Variants in DLGAP2 observed in about 807,000 individuals in gnomAD.
DLGAP2 encodes disks large-associated protein 2.
In DLGAP2, 26 loss-of-function variants were observed where a neutral mutation model predicts 100.3. The ratio of observed to expected loss-of-function variants is 0.26; its 90% confidence interval spans 0.19 to 0.36. The LOEUF (loss-of-function observed/expected upper bound fraction) is 0.36. Ranked by LOEUF, DLGAP2 falls within the 10% of genes least tolerant of loss-of-function variation. DLGAP2 has a pLI of 1.00. For missense variants in DLGAP2, 1,858 were observed against 1,453.2 expected, an observed-to-expected ratio of 1.28 and a Z score of -4.53; for synonymous variants, 886 against 630.1, an observed-to-expected ratio of 1.41 and a Z score of -6.08.
At chr8:1,032,986 AT>A (rs1767814343) in intron 2 of DLGAP2, 5 of 152,288 alleles carry the variant, frequency 3.3e-5, no homozygotes, top group Admixed American at 3.3e-4. Context: ...CCAAAGGGTG[AT>A]CGTGGGTAAC....
At position 823,310 on chromosome 8, in the gene DLGAP2, C is replaced by CATTATTATT. The variant is rs5888817; in HGVS notation, c.19-84580_19-84572dup. Among the ~76,000 whole-genome samples the CATTATTATT allele has an allele frequency of 1.2e-3, 178 of 148,510 alleles. 1 individual carries two copies. The highest frequency in any genetic ancestry group is 4.0e-3 in the African/African-American group (162 of 40,300). ...AGGAGTTGTAAGGCGAGCTTGAATT[C>CATTATTATT]ATTATTATTATTATTATTATTATTA... is the stretch of plus-strand genomic sequence containing the variant. On this transcript the variant is annotated intron_variant, in intron 1 of 14. Coordinates refer to ENST00000637795, the MANE Select transcript of DLGAP2 (RefSeq NM_001346810.2).
intron 6 of DLGAP2, among the ~76,000 whole-genome samples, chr8:1,601,535 C>G (rs573589262): frequency 1.3e-5 from 2 of 152,230 alleles, no homozygotes; most frequent in Non-Finnish European, 2.9e-5. Context: ...TAAGCCCTGA[C>G]TGGGGCTGCT....
intron 3 of DLGAP2, chr8:1,373,689 C>T (rs1309110155): frequency 2.0e-5 from 3 of 152,206 alleles, no homozygotes; most frequent in Admixed American, 6.5e-5. Flanking sequence ...CATGGGGCGT[C>T]CACCAACTAG....
intron 3 of DLGAP2, among the ~76,000 whole-genome samples, chr8:1,482,857 C>T (rs569885297): frequency 6.6e-6 from 1 of 152,356 alleles, no homozygotes; most frequent in South Asian, 2.1e-4. Flanking sequence ...GAGGGAGACG[C>T]AGGAAGAGAT....
intron 3 of DLGAP2, among the ~76,000 whole-genome samples, chr8:1,281,011 C>T (rs578118958): frequency 1.1e-4 from 16 of 152,304 alleles, no homozygotes; most frequent in African/African-American, 3.8e-4. Flanking sequence ...CGACCTTGGT[C>T]AAGCAATGGT....
intron 8 of DLGAP2, among the ~76,000 whole-genome samples, chr8:1,634,862 A>T (rs553898559): frequency 9.9e-5 from 15 of 152,214 alleles, no homozygotes; most frequent in Non-Finnish European, 2.2e-4. Flanking sequence ...ATTTATATAT[A>T]TACAATGTTT....
intron 2 of DLGAP2, among the ~76,000 whole-genome samples, chr8:1,175,799 T>G (rs1380148260): frequency 6.6e-6 from 1 of 152,240 alleles, no homozygotes; most frequent in Admixed American, 6.5e-5. Context: ...ATCTTAATAC[T>G]TATTTGGGCA....
chr8:1,201,635 A>T (rs1363385230), intron 2 of DLGAP2, among the ~76,000 whole-genome samples: 1 of 152,030 alleles, frequency 6.6e-6, no homozygotes, highest in Non-Finnish European at 1.5e-5. Flanking sequence ...GGATTTACAC[A>T]CTCAGAGCTC....
chr8:751,528 C>A (rs1820788361), intron 1 of DLGAP2, among the ~76,000 whole-genome samples: 1 of 152,220 alleles, frequency 6.6e-6, no homozygotes, highest in Non-Finnish European at 1.5e-5. Flanking sequence ...AAACTTGTCT[C>A]TGAGTTTCTT....
intron 1 of DLGAP2, among the ~76,000 whole-genome samples, chr8:805,102 C>A (rs1038805851): frequency 5.9e-5 from 9 of 152,194 alleles, no homozygotes; most frequent in Admixed American, 2.6e-4. Flanking sequence ...TAGACACTTA[C>A]CTGACTGATT....
At chr8:1,695,230 G>A (rs1029880830) in intron 13 of DLGAP2, among the ~76,000 whole-genome samples, 1 of 150,064 alleles carries the variant, frequency 6.7e-6, no homozygotes, top group African/African-American at 2.5e-5. Context: ...GAGGGGCACA[G>A]CCATGACCGG....
chr8:1,270,405 G>A (rs1799556343), intron 3 of DLGAP2, among the ~76,000 whole-genome samples: 1 of 152,168 alleles, frequency 6.6e-6, no homozygotes, highest in South Asian at 2.1e-4. Flanking sequence ...TGACTTATAG[G>A]ATGCAGAAGC....
At chr8:1,053,746 G>A (rs1389398175) in intron 2 of DLGAP2, among the ~76,000 whole-genome samples, 3 of 152,126 alleles carry the variant, frequency 2.0e-5, no homozygotes, top group Non-Finnish European at 2.9e-5. Flanking sequence ...AGTAACTGTG[G>A]CAGGTTAGCA....
chr8:1,539,119 C>G (rs889234771), intron 4 of DLGAP2, among the ~76,000 whole-genome samples: 2 of 152,152 alleles, frequency 1.3e-5, no homozygotes, highest in Non-Finnish European at 2.9e-5. Flanking sequence ...CTCTCAACCT[C>G]AAGTGATCCA....
At chr8:1,689,656 G>A (rs775643624) in intron 12 of DLGAP2, among the ~76,000 whole-genome samples, 2 of 151,944 alleles carry the variant, frequency 1.3e-5, no homozygotes, top group Non-Finnish European at 2.9e-5. Flanking sequence ...AAGAGCAGGT[G>A]GAATCATCAG....
At chr8:1,083,331 G>A (rs577900457) in intron 2 of DLGAP2, among the ~76,000 whole-genome samples, 1 of 152,324 alleles carries the variant, frequency 6.6e-6, no homozygotes, top group Admixed American at 6.5e-5. Flanking sequence ...CGGGCTGAAG[G>A]CAGAGCCCCA....
intron 10 of DLGAP2, among the ~76,000 whole-genome samples, chr8:1,672,576 G>C (rs972245573): frequency 6.6e-6 from 1 of 152,222 alleles, no homozygotes; most frequent in African/African-American, 2.4e-5. Context: ...TGAGAAGGCA[G>C]GGGCAGCCTG....
In DLGAP2 at chr8:1,633,020, T is replaced by C. The variant is rs1346323879; in HGVS notation, c.1784T>C (p.Ile595Thr). 1 of 1,613,822 alleles carries C rather than the reference T, an allele frequency of 6.2e-7. No homozygotes were observed. Among genetic ancestry groups the C allele is most frequent in the Non-Finnish European group, 8.5e-7 (1 of 1,179,894 alleles). ...ECIPMMTPSD[I>T]TSTIRSTAAV... ...ATTCCCATGATGACACCCTCTGACA[T>C]CACCTCCACCATCAGGTCAACAGCA... The change falls in exon 8 of 15, where the codon ATC (isoleucine) becomes ACC (threonine). Residue 595 changes from isoleucine (I) to threonine (T), a missense_variant. By Grantham distance (89) the Ile-to-Thr change is moderately conservative (BLOSUM62 -1). Coordinates refer to ENST00000637795, the MANE Select transcript of DLGAP2 (RefSeq NM_001346810.2).
chr8:1,602,197 G>A lies in DLGAP2; in HGVS notation c.1443-24543G>A, dbSNP rs1456288858. 2.0e-5 allele frequency among the ~76,000 whole-genome samples: 3 copies of A among 152,134 alleles called. No individual in the cohort carries two copies. The East Asian group carries it at 5.8e-4, about 29-fold the overall frequency. Reference sequence around the variant, plus strand: ...ATTCGATATTAATGTTTGTTGAATGGCCCAATATGACAAGAGGAGTAAAAG... The same window carrying A: ...ATTCGATATTAATGTTTGTTGAATGACCCAATATGACAAGAGGAGTAAAAG... On this transcript the variant is annotated intron_variant, in intron 6 of 14. Coordinates refer to ENST00000637795, the MANE Select transcript of DLGAP2 (RefSeq NM_001346810.2).
Sources: allele counts gnomAD v4.1 joint callset (sites outside exome capture counted in the v4.1 genomes callset), GRCh38; gene constraint gnomAD v4.1.1; transcripts MANE v1.5; gene names NCBI Gene and HGNC (gene_info 2026-07-23, HGNC 2026-07-21).